Variants in COL18A1 observed in about 807,000 individuals in gnomAD.
The protein encoded by COL18A1 is collagen type XVIII alpha 1 chain.
Under a neutral mutation model 168.0 loss-of-function variants are expected in COL18A1, and 133 were observed. That is an observed-to-expected ratio of 0.79 (90% CI 0.69 to 0.91). COL18A1 has a LOEUF of 0.91. Among genes scored for constraint, COL18A1 ranks in the 40% least tolerant of loss-of-function variants. The pLI is 0.00. For synonymous variants in COL18A1, 949 were observed against 809.0 expected (o/e 1.17, Z -2.94); for missense variants, 2,126 against 1,925.4 (o/e 1.10, Z -1.95).
intron 40 of COL18A1, among the ~76,000 whole-genome samples, chr21:45,510,837 C>T (rs2037534370): frequency 6.6e-6 from 1 of 152,138 alleles, no homozygotes; most frequent in Non-Finnish European, 1.5e-5. Context: ...TTAGCCAAGG[C>T]CTCTTGGGGT....
intron 2 of COL18A1, among the ~76,000 whole-genome samples, chr21:45,410,224 G>C (rs1444656782): frequency 6.6e-6 from 1 of 151,882 alleles, no homozygotes; most frequent in Non-Finnish European, 1.5e-5. Context: ...GCATTTCATG[G>C]TGGCAGATGG....
At position 45,512,886 on chromosome 21, in the gene COL18A1, G is replaced by T. The variant is rs2037693264; in HGVS notation, c.*488G>T. On this transcript the variant is annotated 3_prime_UTR_variant, in exon 42 of 42. Transcript: ENST00000651438. ...ACAAGGCCATCTGGGCTCCTCCAGG[G>T]TGTGTGCTCGCCCTGCGGTAGATGG... 5.7e-5 allele frequency: 13 copies of T among 226,956 alleles called. No homozygotes were observed. In the South Asian group the frequency reaches 7.6e-4, roughly 13 times the overall value. The allele number at this position is 226,956 out of a possible 1,614,324, so 14.1% of individuals were successfully genotyped here. A position where few individuals can be genotyped will look rare whatever the true frequency, so the allele number is the denominator to read the frequency against.
At chr21:45,446,904 T>C (rs1469592266) in intron 2 of COL18A1, among the ~76,000 whole-genome samples, 1 of 152,172 alleles carries the variant, frequency 6.6e-6, no homozygotes, top group African/African-American at 2.4e-5. Flanking sequence ...AAACACCCAA[T>C]CATCTCAATA....
At chr21:45,476,164 C>T (rs2035641917) in intron 5 of COL18A1, among the ~76,000 whole-genome samples, 187 bp from the exon 6 acceptor site, 1 of 152,230 alleles carries the variant, frequency 6.6e-6, no homozygotes, top group Admixed American at 6.5e-5. Flanking sequence ...GGGGAGCCCA[C>T]AGGCGGCCAC....
Position 45,504,505 on chromosome 21 carries a change from CCCCCCCG to C in COL18A1, c.2818_2824del (p.Pro940AlafsTer89). 2 of 1,390,272 alleles carry C rather than the reference CCCCCCCG, an allele frequency of 1.4e-6. No individual in the cohort carries two copies. The highest frequency in any genetic ancestry group is 1.2e-5 in the South Asian group (1 of 82,754). 86.1% of individuals were successfully genotyped at this position (1,390,272 alleles called of 1,614,324 possible). ...GTTTCTTCGGCTCCAGCCTGCCCGGCCCCCCCGGCCCCCCAGGCCCCCCAGGCCCACG... is the reference window on the plus strand; with the variant it reads ...GTTTCTTCGGCTCCAGCCTGCCCGGCGCCCCCCAGGCCCCCCAGGCCCACG... On this transcript the variant is annotated frameshift_variant, in exon 34 of 42. Coordinates refer to ENST00000651438, the MANE Select transcript of COL18A1 (RefSeq NM_001379500.1). LOFTEE classifies it high-confidence loss of function.
chr21:45,469,166 C>T lies in COL18A1; in HGVS notation c.651+380C>T, dbSNP rs115057530. Among the ~76,000 whole-genome samples, 1,297 of 152,330 alleles carry T rather than the reference C, an allele frequency of 8.5e-3. 17 individuals carry two copies. The highest frequency in any genetic ancestry group is 0.03 in the African/African-American group (1,239 of 41,564). On this transcript the variant is annotated intron_variant, in intron 3 of 41. Transcript: ENST00000651438. ...CAGCCGTGACCCCGTGACCCAGAGA[C>T]ACCCCCAGGCCTGTGCCAAGCCCTG...
intron 2 of COL18A1, among the ~76,000 whole-genome samples, chr21:45,455,060 C>T (rs566007277): frequency 1.3e-5 from 2 of 152,354 alleles, no homozygotes; most frequent in South Asian, 2.1e-4. Flanking sequence ...AGCATTTTTT[C>T]GGTTCCAAGT....
At chr21:45,470,231 C>T (rs1258887703) in intron 3 of COL18A1, among the ~76,000 whole-genome samples, 2 of 152,026 alleles carry the variant, frequency 1.3e-5, no homozygotes, top group African/African-American at 4.8e-5. Context: ...TGAAGATAGA[C>T]TTTCATTTTG....
At chr21:45,413,903 G>A (rs954593711) in intron 2 of COL18A1, among the ~76,000 whole-genome samples, 11 of 152,184 alleles carry the variant, frequency 7.2e-5, no homozygotes, top group African/African-American at 2.7e-4. Context: ...TCAGGGGCAG[G>A]AGCCTTATGG....
chr21:45,437,644 ACT>A (rs1224581651), intron 2 of COL18A1, among the ~76,000 whole-genome samples: 6 of 66,890 alleles, frequency 9.0e-5, no homozygotes, highest in East Asian at 7.0e-4. Context: ...TCACACAGGC[ACT>A]CTCCTGCACA....
chr21:45,441,536 C>T (rs1455263675), intron 2 of COL18A1, among the ~76,000 whole-genome samples: 1 of 152,198 alleles, frequency 6.6e-6, no homozygotes. Context: ...CCGGGTCCTC[C>T]AGTCCTGCTG....
chr21:45,470,856 A>T (rs981850954), intron 3 of COL18A1, among the ~76,000 whole-genome samples: 2 of 152,078 alleles, frequency 1.3e-5, no homozygotes, highest in Non-Finnish European at 2.9e-5. Context: ...AGCCCAGTGA[A>T]ACCTTGGAAG....
intron 26 of COL18A1, 32 bp downstream of exon 26, chr21:45,493,607 G>T (rs780873540): frequency 6.7e-7 from 1 of 1,497,420 alleles, no homozygotes; most frequent in Admixed American, 2.0e-5. Flanking sequence ...TCCGGCAGGC[G>T]TGGGGGCTCC....
chr21:45,438,823 G>T (rs1371560058), intron 2 of COL18A1, among the ~76,000 whole-genome samples: 1 of 152,240 alleles, frequency 6.6e-6, no homozygotes, highest in African/African-American at 2.4e-5. Context: ...TGTGCAGCCG[G>T]AAGGAAGAAA....
At chr21:45,489,878 T>G (rs1031595255) in intron 19 of COL18A1, among the ~76,000 whole-genome samples, 7 of 10,288 alleles carry the variant, frequency 6.8e-4, no homozygotes, top group Non-Finnish European at 1.4e-3. Context: ...CCCCCACACC[T>G]CCTCCCCGAC....
chr21:45,449,518 C>A (rs116331088), intron 2 of COL18A1, among the ~76,000 whole-genome samples: 1 of 152,090 alleles, frequency 6.6e-6, no homozygotes, highest in East Asian at 1.9e-4. Context: ...GTCGTGGAAT[C>A]GGGGGACAGA....
chr21:45,491,615 C>G (rs1035356951), intron 22 of COL18A1, among the ~76,000 whole-genome samples: 2 of 152,166 alleles, frequency 1.3e-5, no homozygotes, highest in African/African-American at 4.8e-5. Flanking sequence ...ACTGTGGCCC[C>G]AAAGCTGCAT....
chr21:45,495,481 G>T, intron 29 of COL18A1, 49 bp downstream of exon 29: 1 of 1,498,250 alleles, frequency 6.7e-7, no homozygotes, highest in South Asian at 1.2e-5. Flanking sequence ...ACCAGGACCT[G>T]GGAATGGCCT....
chr21:45,459,914 C>T (rs2034985013), intron 2 of COL18A1, among the ~76,000 whole-genome samples: 1 of 152,110 alleles, frequency 6.6e-6, no homozygotes, highest in East Asian at 1.9e-4. Context: ...GCAACGGGTG[C>T]CTGGCCCTCT....
Sources: allele counts gnomAD v4.1 joint callset (sites outside exome capture counted in the v4.1 genomes callset), GRCh38; gene constraint gnomAD v4.1.1; transcripts MANE v1.5; gene names NCBI Gene and HGNC (gene_info 2026-07-23, HGNC 2026-07-21).